PTPRD: variants seen among roughly 807,000 people sequenced by gnomAD.
PTPRD encodes the protein protein tyrosine phosphatase receptor type D.
PTPRD carries 34 observed loss-of-function variants against 214.5 expected under a neutral mutation model. The observed-to-expected ratio is 0.16, with a 90% confidence interval of 0.12 to 0.21. PTPRD has a LOEUF of 0.21. Among genes scored for constraint, PTPRD ranks in the 10% least tolerant of loss-of-function variants. The probability of loss-of-function intolerance (pLI) is 1.00; values close to 1 mark genes in which losing one functional copy is unlikely to be tolerated. For synonymous variants in PTPRD, 1,128 were observed against 845.7 expected (o/e 1.33, Z -5.79); for missense variants, 2,545 against 2,398.7 (o/e 1.06, Z -1.27).
chr9:8,462,123 G>C (rs1050710578), intron 32 of PTPRD, among the ~76,000 whole-genome samples: 28 of 151,920 alleles, frequency 1.8e-4, no homozygotes, highest in Non-Finnish European at 4.4e-5. Flanking sequence ...ATCATTTCTA[G>C]AGACCCCTAC....
chr9:10,168,770 A>T (rs1048985022), intron 3 of PTPRD, among the ~76,000 whole-genome samples: 1 of 152,212 alleles, frequency 6.6e-6, no homozygotes, highest in Non-Finnish European at 1.5e-5. Context: ...AAAGTAAAAC[A>T]AACTAGGAAT....
intron 4 of PTPRD, among the ~76,000 whole-genome samples, chr9:9,976,555 T>A (rs1186234949): frequency 6.6e-6 from 1 of 151,246 alleles, no homozygotes; most frequent in African/African-American, 2.4e-5. Flanking sequence ...CCTGGCTAAT[T>A]TTTTGTATTT....
chr9:8,575,634 T>A (rs1227561216), intron 14 of PTPRD, among the ~76,000 whole-genome samples: 2 of 152,150 alleles, frequency 1.3e-5, no homozygotes, highest in Non-Finnish European at 2.9e-5. Flanking sequence ...AACAATGAAG[T>A]ACTTAAGTCC....
At chr9:10,248,265 G>C (rs1360167438) in intron 3 of PTPRD, among the ~76,000 whole-genome samples, 2 of 151,910 alleles carry the variant, frequency 1.3e-5, no homozygotes, top group East Asian at 3.9e-4. Context: ...ACGTTTTTTG[G>C]GGTGATCCTA....
intron 3 of PTPRD, among the ~76,000 whole-genome samples, chr9:10,162,482 G>A (rs868562647): frequency 6.6e-6 from 1 of 150,794 alleles, no homozygotes; most frequent in Non-Finnish European, 1.5e-5. Context: ...TCCTATGTGG[G>A]AGCTAAAAAA....
intron 6 of PTPRD, among the ~76,000 whole-genome samples, chr9:9,766,446 C>T (rs2098707704): frequency 6.6e-6 from 1 of 152,102 alleles, no homozygotes; most frequent in African/African-American, 2.4e-5. Flanking sequence ...GTAGTTCTTG[C>T]CTGATAATTT....
intron 11 of PTPRD, among the ~76,000 whole-genome samples, chr9:8,904,300 T>TATCATCATATCAGG (rs2098692574): frequency 6.6e-6 from 1 of 152,218 alleles, no homozygotes; most frequent in Admixed American, 6.5e-5. Flanking sequence ...ATGATGCTCT[T>TATCATCATATCAGG]ATGTAATATA....
intron 10 of PTPRD, among the ~76,000 whole-genome samples, chr9:9,148,246 CA>C (rs2099871976): frequency 6.6e-6 from 1 of 152,176 alleles, no homozygotes; most frequent in East Asian, 1.9e-4. Flanking sequence ...GAAATTACTT[CA>C]AAGTAGCTTT....
chr9:8,527,527 G>A, intron 15 of PTPRD, among the ~76,000 whole-genome samples, 174 bp from the exon 16 acceptor site: 1 of 152,052 alleles, frequency 6.6e-6, no homozygotes. Flanking sequence ...CAATTCTGCT[G>A]ACAACAAGCA....
At chr9:10,053,156 T>C (rs2097564211) in intron 3 of PTPRD, among the ~76,000 whole-genome samples, 2 of 152,170 alleles carry the variant, frequency 1.3e-5, no homozygotes, top group Non-Finnish European at 2.9e-5. Flanking sequence ...TCCAGAAAGA[T>C]TGACTTATGA....
intron 11 of PTPRD, among the ~76,000 whole-genome samples, chr9:8,980,290 A>C (rs1390455727): frequency 6.6e-6 from 1 of 152,080 alleles, no homozygotes; most frequent in Non-Finnish European, 1.5e-5. Flanking sequence ...AGATATGTAG[A>C]TGAACAAGTT....
intron 35 of PTPRD, among the ~76,000 whole-genome samples, chr9:8,408,517 T>C (rs964560427): frequency 2.6e-5 from 4 of 152,154 alleles, no homozygotes; most frequent in African/African-American, 7.2e-5. Context: ...ATTTTGCAAG[T>C]TAGAAATAAA....
chr9:8,651,648 A>C lies in PTPRD; in HGVS notation c.65-14804T>G, dbSNP rs564970763. Among the ~76,000 whole-genome samples the C allele has an allele frequency of 7.2e-5, 11 of 152,318 alleles. No homozygotes were observed. In the South Asian group the frequency reaches 2.3e-3, roughly 32 times the overall value. ...TTTAAATCTGAGGAGAAAATGTTTC[A>C]TTCTTGCCTTCTGTGAACTGAAACA... On this transcript the variant is annotated intron_variant, in intron 12 of 45. Transcript: ENST00000381196.
chr9:10,323,508 G>T (rs1339576409), intron 3 of PTPRD, among the ~76,000 whole-genome samples: 1 of 151,272 alleles, frequency 6.6e-6, no homozygotes, highest in Non-Finnish European at 1.5e-5. Flanking sequence ...GTCTCACTGT[G>T]TTTCTCAGAC....
chr9:9,852,088 C>A (rs1216096226), intron 5 of PTPRD, among the ~76,000 whole-genome samples: 1 of 151,438 alleles, frequency 6.6e-6, no homozygotes, highest in East Asian at 1.9e-4. Context: ...ACATATAAAA[C>A]AAGGGAAGAT....
intron 12 of PTPRD, among the ~76,000 whole-genome samples, chr9:8,691,953 C>T (rs1242700765): frequency 6.6e-6 from 1 of 152,254 alleles, no homozygotes; most frequent in African/African-American, 2.4e-5. Flanking sequence ...CCTCCTATTT[C>T]TATCATTCTA....
intron 2 of PTPRD, among the ~76,000 whole-genome samples, chr9:10,494,208 T>C (rs1238219732): frequency 6.6e-6 from 1 of 151,938 alleles, no homozygotes; most frequent in Non-Finnish European, 1.5e-5. Context: ...CCTCTAAAGA[T>C]AGTTTAAAAG....
At chr9:8,771,594 G>T (rs1243223808) in intron 11 of PTPRD, among the ~76,000 whole-genome samples, 8 of 152,106 alleles carry the variant, frequency 5.3e-5, no homozygotes, top group Non-Finnish European at 1.2e-4. Context: ...TTGTCACTTG[G>T]AGATTTGTGG....
intron 8 of PTPRD, among the ~76,000 whole-genome samples, chr9:9,482,849 T>G (rs1241616256): frequency 1.3e-5 from 2 of 152,182 alleles, no homozygotes; most frequent in Non-Finnish European, 2.9e-5. Flanking sequence ...AATATCACAA[T>G]TATGCAAATA....
Sources: allele counts gnomAD v4.1 joint callset (sites outside exome capture counted in the v4.1 genomes callset), GRCh38; gene constraint gnomAD v4.1.1; transcripts MANE v1.5; gene names NCBI Gene and HGNC (gene_info 2026-07-23, HGNC 2026-07-21).